HTT: variants seen among roughly 807,000 people sequenced by gnomAD.
HTT encodes huntingtin.
HTT carries 104 observed loss-of-function variants against 362.3 expected under a neutral mutation model. The ratio of observed to expected loss-of-function variants is 0.29; its 90% confidence interval spans 0.24 to 0.34. The LOEUF (loss-of-function observed/expected upper bound fraction) is 0.34, where lower values mean the gene tolerates loss of function less well. Among genes scored for constraint, HTT ranks in the 10% least tolerant of loss-of-function variants. The pLI is 1.00. For missense variants in HTT, 3,301 were observed against 3,928.6 expected, an observed-to-expected ratio of 0.84 and a Z score of 4.27; for synonymous variants, 1,577 against 1,548.7, an observed-to-expected ratio of 1.02 and a Z score of -0.43.
intron 31 of HTT, 152 bp downstream of exon 31, chr4:3,173,283 G>A: frequency 3.0e-6 from 2 of 656,940 alleles, no homozygotes; most frequent in South Asian, 1.8e-5. Flanking sequence ...TATGGTTGAT[G>A]CAAAGATGAT....
chr4:3,217,793 G>C lies in HTT; in HGVS notation c.7083G>C (p.Glu2361Asp). 1 of 1,614,074 alleles carries C rather than the reference G, an allele frequency of 6.2e-7. No homozygotes were observed. The highest frequency in any genetic ancestry group is 8.5e-7 in the Non-Finnish European group (1 of 1,179,942). ...CTAAGTATATCACTGCAGCCTGTGA[G>C]ATGGTGGCAGAAATGGTGGAGTCTC... is the stretch of plus-strand genomic sequence containing the variant. Reference protein sequence around the residue: ...QNPKYITAACEMVAEMVESLQ... With the variant: ...QNPKYITAACDMVAEMVESLQ... Residue 2361 changes from glutamate (E) to aspartate (D), a missense_variant, in exon 52 of 67, where the codon GAG becomes GAC. Coordinates refer to ENST00000355072, the MANE Select transcript of HTT (RefSeq NM_001388492.1).
At chr4:3,132,436 G>A (rs1715865105) in intron 16 of HTT, 126 bp from the exon 17 acceptor site, 2 of 735,738 alleles carry the variant, frequency 2.7e-6, no homozygotes, top group Admixed American at 2.9e-5. Context: ...TTATAGTGAA[G>A]TCATTTCTGA....
intron 21 of HTT, 22 bp downstream of exon 21, chr4:3,136,348 CTT>C (rs767988705): frequency 1.2e-5 from 17 of 1,376,658 alleles, no homozygotes; most frequent in Non-Finnish European, 1.8e-5. Context: ...TATTTTATCT[CTT>C]TTCCTTTTTT....
Position 3,228,488 on chromosome 4 carries a change from G to A in HTT, c.7849-127G>A. Reference sequence around the variant, plus strand: ...CCCTTGCCCGTAACCTGGGGTGTCTGAACGACCCTTGCTAAGGGGCAGACT... The same window carrying A: ...CCCTTGCCCGTAACCTGGGGTGTCTAAACGACCCTTGCTAAGGGGCAGACT... On this transcript the variant is annotated intron_variant, in intron 57 of 66. Transcript: ENST00000355072. The surrounding 1 kb of genome is among the most constrained non-coding windows in gnomAD (Gnocchi z 4.3). 8.9e-7 allele frequency: 1 copy of A among 1,128,600 alleles called. No individual in the cohort carries two copies. The highest frequency in any genetic ancestry group is 1.2e-6 in the Non-Finnish European group (1 of 821,364). The allele number at this position is 1,128,600 out of a possible 1,614,324, so 69.9% of individuals were successfully genotyped here.
intron 21 of HTT, among the ~76,000 whole-genome samples, chr4:3,136,784 C>T (rs978198272): frequency 9.2e-5 from 14 of 151,804 alleles, no homozygotes; most frequent in Non-Finnish European, 1.6e-4. Flanking sequence ...AGTTATGGGT[C>T]GTTGTTTTGC....
At chr4:3,093,929 T>TTA (rs869247181) in intron 2 of HTT, among the ~76,000 whole-genome samples, 1 of 128,206 alleles carries the variant, frequency 7.8e-6, no homozygotes, top group Non-Finnish European at 1.6e-5. Flanking sequence ...TTTTTTTTTT[T>TTA]AGTATTTATT....
intron 2 of HTT, among the ~76,000 whole-genome samples, chr4:3,095,516 C>G (rs537442266): frequency 6.6e-6 from 1 of 151,790 alleles, no homozygotes; most frequent in Non-Finnish European, 1.5e-5. Flanking sequence ...GGAGACTGTG[C>G]GAGGGCGAGG....
chr4:3,209,734 C>T, intron 46 of HTT, 93 bp from the exon 47 acceptor site: 2 of 1,501,792 alleles, frequency 1.3e-6, no homozygotes, highest in South Asian at 2.4e-5. Flanking sequence ...GTGCGGTGTT[C>T]CCAAGCACTG....
At chr4:3,186,763 T>C (rs1287499666) in intron 38 of HTT, 44 bp downstream of exon 38, 1 of 1,605,534 alleles carries the variant, frequency 6.2e-7, no homozygotes, top group South Asian at 1.1e-5. Flanking sequence ...GGACGGCTTG[T>C]TCAGGCTCTG....
At chr4:3,100,031 A>G (rs1479304269) in intron 3 of HTT, among the ~76,000 whole-genome samples, 10 of 152,322 alleles carry the variant, frequency 6.6e-5, no homozygotes, top group South Asian at 6.2e-4. Context: ...AGAAGGCGCT[A>G]TGTTGACAAT....
chr4:3,118,880 A>G (rs915450337), intron 8 of HTT, among the ~76,000 whole-genome samples: 4 of 152,202 alleles, frequency 2.6e-5, no homozygotes, highest in Non-Finnish European at 5.9e-5. Context: ...TCTTTTGACT[A>G]AAAACTGTTC....
chr4:3,077,138 A>G (rs1408835677), intron 1 of HTT, among the ~76,000 whole-genome samples: 1 of 152,160 alleles, frequency 6.6e-6, no homozygotes, highest in Non-Finnish European at 1.5e-5. Flanking sequence ...AGATCACGCC[A>G]CTGCACTCCA....
intron 60 of HTT, among the ~76,000 whole-genome samples, chr4:3,230,975 C>T (rs1721219927): frequency 6.6e-6 from 1 of 152,226 alleles, no homozygotes; most frequent in South Asian, 2.1e-4. Flanking sequence ...AGGATTCAGC[C>T]AGTGCAGCAT....
chr4:3,147,472 G>C (rs549051398), intron 25 of HTT, among the ~76,000 whole-genome samples: 2 of 152,260 alleles, frequency 1.3e-5, no homozygotes, highest in South Asian at 4.2e-4. Flanking sequence ...CATTGAAATT[G>C]ATTTTGGGAG....
intron 27 of HTT, 111 bp downstream of exon 27, chr4:3,154,530 A>G: frequency 1.5e-6 from 2 of 1,346,412 alleles, no homozygotes; most frequent in Non-Finnish European, 2.0e-6. Flanking sequence ...ACACATCAGT[A>G]AAGTGAGAGA....
intron 40 of HTT, among the ~76,000 whole-genome samples, chr4:3,195,176 C>G (rs902298085): frequency 2.6e-5 from 4 of 152,036 alleles, no homozygotes; most frequent in Admixed American, 6.5e-5. Flanking sequence ...AGATGGTTCT[C>G]TCTGTGTCAT....
At chr4:3,149,205 A>G (rs945583269) in intron 26 of HTT, among the ~76,000 whole-genome samples, 1 of 152,092 alleles carries the variant, frequency 6.6e-6, no homozygotes, top group African/African-American at 2.4e-5. Flanking sequence ...TCTCAGGGAC[A>G]GTTTTGCTTT....
At chr4:3,239,404 A>G (rs1451665539) in intron 66 of HTT, among the ~76,000 whole-genome samples, 1 of 141,382 alleles carries the variant, frequency 7.1e-6, no homozygotes, top group African/African-American at 2.4e-5. Flanking sequence ...CCACCCCCAG[A>G]TGCTGGCTGC....
chr4:3,109,989 C>T lies in HTT; in HGVS notation c.747+2566C>T, dbSNP rs541787899. On this transcript the variant is annotated intron_variant, in intron 6 of 66. Coordinates refer to ENST00000355072, the MANE Select transcript of HTT (RefSeq NM_001388492.1). Reference sequence around the variant, plus strand: ...GCATCTTGGAGGTGGAGGAGACAGCCGCCCACTTCTTGATTGGGGCCTTCA... The same window carrying T: ...GCATCTTGGAGGTGGAGGAGACAGCTGCCCACTTCTTGATTGGGGCCTTCA... 3.9e-5 allele frequency among the ~76,000 whole-genome samples: 6 copies of T among 152,262 alleles called. No individual in the cohort carries two copies. In the South Asian group the frequency reaches 1.0e-3, roughly 26 times the overall value.
Sources: gnomAD v4.1 joint callset for allele counts (sites outside exome capture counted in the v4.1 genomes callset) on GRCh38, gnomAD v4.1.1 for gene constraint, Gnocchi (gnomAD v3.1) non-coding constraint, MANE v1.5 for transcripts, NCBI Gene and HGNC (gene_info 2026-07-23, HGNC 2026-07-21) for gene names.